Variants in PSPC1 observed in about 807,000 individuals in gnomAD.
The protein encoded by PSPC1 is paraspeckle protein 1.
Under a neutral mutation model 51.6 loss-of-function variants are expected in PSPC1, and 14 were observed. The observed-to-expected ratio is 0.27, with a 90% CI of 0.18 to 0.42. The LOEUF (loss-of-function observed/expected upper bound fraction) is 0.42. Among genes scored for constraint, PSPC1 ranks in the 10% least tolerant of loss-of-function variants. The pLI is 1.00. For synonymous variants in PSPC1, 193 were observed against 231.9 expected, an observed-to-expected ratio of 0.83 and a Z score of 1.53; for missense variants, 406 against 701.1, an observed-to-expected ratio of 0.58 and a Z score of 4.75.
chr13:19,770,613 C>T (rs914520793), intron 2 of PSPC1, among the ~76,000 whole-genome samples: 1 of 152,044 alleles, frequency 6.6e-6, no homozygotes, highest in African/African-American at 2.4e-5. Flanking sequence ...CATGGTGAAA[C>T]CCCATCTCTA....
At position 19,677,051 on chromosome 13, in the gene PSPC1, A is replaced by G. The variant is rs376993689; in HGVS notation, c.*76+673T>C. Among the ~76,000 whole-genome samples, 267 of 152,090 alleles carry G rather than the reference A, an allele frequency of 1.8e-3. 11 individuals carry two copies. Among genetic ancestry groups the G allele is most frequent in the Admixed American group, 0.013 (195 of 15,278 alleles). On this transcript the variant is annotated intron_variant and NMD_transcript_variant, in intron 7 of 7. Transcript: ENST00000471658. ...AGATCGAGACCATCCTGGCTAACAC[A>G]GTGAAACCCCGTCTCTACTAAAAAT...
chr13:19,729,923 T>C (rs1264491802), intron 6 of PSPC1, among the ~76,000 whole-genome samples: 1 of 152,190 alleles, frequency 6.6e-6, no homozygotes. Flanking sequence ...GTTTCAATAT[T>C]AGTATGTGGT....
intron 5 of PSPC1, among the ~76,000 whole-genome samples, chr13:19,736,761 C>T (rs898623490): frequency 2.6e-5 from 4 of 152,154 alleles, no homozygotes; most frequent in African/African-American, 4.8e-5. Context: ...AAATCAGCAA[C>T]GTATCCTCTA....
chr13:19,713,941 G>A (rs7987413), intron 6 of PSPC1, among the ~76,000 whole-genome samples: 139,376 of 152,206 alleles, frequency 0.92, 65,039 homozygotes, highest in Non-Finnish European at 1. Flanking sequence ...TTAATGGTGC[G>A]AAAGTAATGG....
At chr13:19,715,970 C>T (rs1378385871) in intron 6 of PSPC1, among the ~76,000 whole-genome samples, 4 of 151,842 alleles carry the variant, frequency 2.6e-5, no homozygotes, top group South Asian at 4.1e-4. Context: ...GCCAAGATCA[C>T]GCCACTGCAC....
At chr13:19,696,383 T>C (rs1374700438) in intron 6 of PSPC1, among the ~76,000 whole-genome samples, 1 of 152,152 alleles carries the variant, frequency 6.6e-6, no homozygotes, top group Non-Finnish European at 1.5e-5. Flanking sequence ...ACTGGTACAG[T>C]CACAATTTTT....
chr13:19,690,671 C>T (rs1407251518), intron 6 of PSPC1, among the ~76,000 whole-genome samples: 1 of 152,092 alleles, frequency 6.6e-6, no homozygotes, highest in East Asian at 1.9e-4. Context: ...AAAGAACATA[C>T]ACCGTGATTT....
At chr13:19,701,392 A>G (rs1225596371), downstream of PSPC1, among the ~76,000 whole-genome samples, 1 of 151,482 alleles carries the variant, frequency 6.6e-6, no homozygotes, top group Non-Finnish European at 1.5e-5. Context: ...AAAACTCCCC[A>G]TACCCCAATT....
At chr13:19,739,902 GATCT>G (rs1885258790) in intron 5 of PSPC1, among the ~76,000 whole-genome samples, 1 of 150,370 alleles carries the variant, frequency 6.7e-6, no homozygotes, top group Non-Finnish European at 1.5e-5. Context: ...CAAGCTTTCA[GATCT>G]ATCTGAATGC....
At chr13:19,710,649 G>A (rs1263751212) in intron 6 of PSPC1, among the ~76,000 whole-genome samples, 2 of 152,100 alleles carry the variant, frequency 1.3e-5, no homozygotes, top group African/African-American at 2.4e-5. Context: ...TGATGGAAAC[G>A]TAATTGCCAT....
chr13:19,710,755 G>A (rs1219454644), intron 6 of PSPC1, among the ~76,000 whole-genome samples: 4 of 151,912 alleles, frequency 2.6e-5, no homozygotes, highest in African/African-American at 4.8e-5. Context: ...ATGAAGCTAC[G>A]GTACAACAAA....
chr13:19,763,348 T>A (rs536656290), intron 2 of PSPC1, among the ~76,000 whole-genome samples: 1 of 152,232 alleles, frequency 6.6e-6, no homozygotes, highest in Admixed American at 6.6e-5. Context: ...AATATAAGTA[T>A]ATAATAAGTA....
At chr13:19,671,247 C>A, downstream of PSPC1, 1 of 1,614,020 alleles carries the variant, frequency 6.2e-7, no homozygotes, top group East Asian at 2.2e-5. Flanking sequence ...TTGCAGGTCC[C>A]AATAAACTCT....
At chr13:19,765,093 T>C (rs1190626838) in intron 2 of PSPC1, among the ~76,000 whole-genome samples, 1 of 151,936 alleles carries the variant, frequency 6.6e-6, no homozygotes. Flanking sequence ...TTGAGAATAG[T>C]TGAATAGTAA....
At chr13:19,718,647 G>A (rs1216261648) in intron 6 of PSPC1, among the ~76,000 whole-genome samples, 2 of 151,994 alleles carry the variant, frequency 1.3e-5, no homozygotes, top group African/African-American at 4.8e-5. Context: ...CCCCAAGGAG[G>A]TGCAAACTTA....
At chr13:19,753,081 G>A (rs1445399802) in intron 3 of PSPC1, among the ~76,000 whole-genome samples, 1 of 150,546 alleles carries the variant, frequency 6.6e-6, no homozygotes, top group Non-Finnish European at 1.5e-5. Flanking sequence ...AGGAGTTCAA[G>A]ACCAGCCTGG....
chr13:19,699,542 T>G (rs1486980737), downstream of PSPC1: 4 of 152,042 alleles, frequency 2.6e-5, no homozygotes, highest in African/African-American at 9.7e-5. Flanking sequence ...TTATATGATT[T>G]GCTTAGAATG....
In PSPC1 at chr13:19,741,546, T is replaced by G; in HGVS notation, c.1052+19A>C. 6.6e-7 allele frequency: 1 copy of G among 1,509,930 alleles called. No homozygotes were observed. The highest frequency in any genetic ancestry group is 1.2e-5 in the South Asian group (1 of 83,638). 93.5% of individuals were successfully genotyped at this position (1,509,930 alleles called of 1,614,324 possible). On this transcript the variant is annotated intron_variant, in intron 5 of 8. Coordinates refer to ENST00000338910, the MANE Select transcript of PSPC1 (RefSeq NM_001354909.2). The stretch of plus-strand genomic sequence containing the variant: ...AATAAGACATACAATTCATGTTTCT[T>G]AAAATGATCTTCTTTTACCTTAGTT...
chr13:19,780,726 T>C, intron 1 of PSPC1, among the ~76,000 whole-genome samples: 1 of 147,582 alleles, frequency 6.8e-6, no homozygotes, highest in Non-Finnish European at 1.5e-5. Context: ...TGTTCACTTG[T>C]TTATCTGCTG....
Sources: gnomAD v4.1 joint callset for allele counts (sites outside exome capture counted in the v4.1 genomes callset) on GRCh38, gnomAD v4.1.1 for gene constraint, MANE v1.5 for transcripts, NCBI Gene and HGNC (gene_info 2026-07-23, HGNC 2026-07-21) for gene names.